CORIN: variants seen among roughly 807,000 people sequenced by gnomAD.
The protein encoded by CORIN is corin, serine peptidase.
A neutral mutation model predicts 125.3 loss-of-function variants in CORIN; 117 were observed. The observed-to-expected ratio is 0.93, with a 90% CI of 0.80 to 1.09. The LOEUF (loss-of-function observed/expected upper bound fraction) is 1.09, where lower values mean the gene tolerates loss of function less well. Ranked by LOEUF, CORIN falls within the 50% of genes least tolerant of loss-of-function variation. The pLI is 0.00. For synonymous variants in CORIN, 450 were observed against 466.4 expected, an observed-to-expected ratio of 0.96 and a Z score of 0.45; for missense variants, 1,253 against 1,306.7, an observed-to-expected ratio of 0.96 and a Z score of 0.63.
intron 5 of CORIN, among the ~76,000 whole-genome samples, chr4:47,734,876 C>T (rs908704192): frequency 6.6e-6 from 1 of 152,206 alleles, no homozygotes. Context: ...TGTCTACAGA[C>T]ATTGCCAAAT....
intron 5 of CORIN, among the ~76,000 whole-genome samples, chr4:47,698,571 C>T (rs138639873): frequency 4.7e-4 from 71 of 152,108 alleles, no homozygotes; most frequent in African/African-American, 1.6e-3. Context: ...ACACAAGAGT[C>T]ATTACATGGT....
At position 47,629,313 on chromosome 4, in the gene CORIN, T is replaced by C. The variant is rs142022307; in HGVS notation, c.2199-2792A>G. ...ATTAGTAATGCTGAGCACCTTTTCT[T>C]ATATTTGTTGGCCATTCTATGTCTT... On this transcript the variant is annotated intron_variant, in intron 16 of 21. Transcript: ENST00000273857. Among the ~76,000 whole-genome samples the C allele has an allele frequency of 3.9e-5, 6 of 152,322 alleles. 1 individual carries two copies. Among genetic ancestry groups the C allele is most frequent in the African/African-American group, 1.4e-4 (6 of 41,584 alleles).
At chr4:47,756,091 T>C (rs990318624) in intron 4 of CORIN, among the ~76,000 whole-genome samples, 2 of 152,178 alleles carry the variant, frequency 1.3e-5, no homozygotes, top group African/African-American at 4.8e-5. Context: ...GTTATAACTG[T>C]GCCATGGTGA....
intron 3 of CORIN, among the ~76,000 whole-genome samples, chr4:47,769,787 T>C (rs150761048): frequency 2.8e-3 from 422 of 152,202 alleles, no homozygotes; most frequent in Non-Finnish European, 4.6e-3. Flanking sequence ...CTTCAATAAA[T>C]AGTGTTGAAA....
At chr4:47,790,054 T>C (rs1405776375) in intron 2 of CORIN, among the ~76,000 whole-genome samples, 1 of 152,188 alleles carries the variant, frequency 6.6e-6, no homozygotes, top group Non-Finnish European at 1.5e-5. Context: ...TAAGAGATAT[T>C]AGCCCAAAGT....
At chr4:47,809,811 C>A (rs187727866) in intron 1 of CORIN, among the ~76,000 whole-genome samples, 20 of 152,340 alleles carry the variant, frequency 1.3e-4, no homozygotes, top group Non-Finnish European at 2.1e-4. Flanking sequence ...TTTCCTCTTG[C>A]ACTCATGGCC....
chr4:47,791,664 T>C (rs551892710), intron 2 of CORIN, among the ~76,000 whole-genome samples: 1 of 152,300 alleles, frequency 6.6e-6, no homozygotes, highest in Non-Finnish European at 1.5e-5. Flanking sequence ...CAAATAGACA[T>C]ATACATATAC....
intron 16 of CORIN, among the ~76,000 whole-genome samples, chr4:47,633,839 C>T (rs1722926638): frequency 6.6e-6 from 1 of 152,136 alleles, no homozygotes; most frequent in Non-Finnish European, 1.5e-5. Context: ...ATTTTTCTAA[C>T]ACAAGTCTTG....
chr4:47,836,600 G>A (rs753238041), intron 1 of CORIN, among the ~76,000 whole-genome samples: 2 of 152,178 alleles, frequency 1.3e-5, no homozygotes, highest in Non-Finnish European at 2.9e-5. Context: ...TCTTCGCAGC[G>A]CATCGTTCTC....
intron 19 of CORIN, among the ~76,000 whole-genome samples, chr4:47,619,841 T>C (rs1722226938): frequency 6.6e-6 from 1 of 152,210 alleles, no homozygotes; most frequent in Non-Finnish European, 1.5e-5. Flanking sequence ...GTACTCTTGC[T>C]AGTGTAACCT....
intron 12 of CORIN, among the ~76,000 whole-genome samples, chr4:47,654,661 C>G (rs1000110333): frequency 2.0e-5 from 3 of 152,190 alleles, no homozygotes; most frequent in African/African-American, 7.2e-5. Flanking sequence ...TCCCAGTGGT[C>G]AGAATTTAAG....
At chr4:47,807,685 A>AGAGGATG (rs1731854110) in intron 1 of CORIN, among the ~76,000 whole-genome samples, 1 of 152,196 alleles carries the variant, frequency 6.6e-6, no homozygotes, top group Admixed American at 6.5e-5. Flanking sequence ...ATCCTGTGTG[A>AGAGGATG]GAGGATGTCA....
intron 1 of CORIN, among the ~76,000 whole-genome samples, chr4:47,809,563 C>T (rs181312656): frequency 8.7e-4 from 133 of 152,070 alleles, no homozygotes; most frequent in African/African-American, 3.0e-3. Flanking sequence ...CACCACCACT[C>T]CCGGCTAATT....
intron 16 of CORIN, among the ~76,000 whole-genome samples, chr4:47,630,582 G>T (rs1385727482): frequency 2.0e-5 from 3 of 152,158 alleles, no homozygotes. Flanking sequence ...TTTTAGCAAT[G>T]ATCTAATCCA....
At chr4:47,619,894 C>A (rs1722236467) in intron 19 of CORIN, among the ~76,000 whole-genome samples, 1 of 152,202 alleles carries the variant, frequency 6.6e-6, no homozygotes, top group South Asian at 2.1e-4. Flanking sequence ...CAAAAGACAT[C>A]TGGAAACATC....
chr4:47,785,455 C>A (rs1437043923), intron 3 of CORIN, among the ~76,000 whole-genome samples: 3 of 152,234 alleles, frequency 2.0e-5, no homozygotes, highest in Admixed American at 2.0e-4. Context: ...GAATAACTAA[C>A]AAATCCTTCC....
intron 2 of CORIN, among the ~76,000 whole-genome samples, chr4:47,802,878 G>A (rs1054373183): frequency 6.6e-6 from 1 of 152,196 alleles, no homozygotes; most frequent in Non-Finnish European, 1.5e-5. Flanking sequence ...GGGATGTTGT[G>A]TTCCTGCCCC....
intron 9 of CORIN, among the ~76,000 whole-genome samples, chr4:47,677,034 C>T (rs562892570): frequency 1.3e-5 from 2 of 152,254 alleles, no homozygotes; most frequent in African/African-American, 4.8e-5. Context: ...TGCATTACGA[C>T]AAACCTAATT....
chr4:47,775,156 A>C (rs1016443058), intron 3 of CORIN, among the ~76,000 whole-genome samples: 3 of 152,198 alleles, frequency 2.0e-5, no homozygotes, highest in African/African-American at 7.2e-5. Flanking sequence ...CCCTGGAGGG[A>C]CTGAGATGAC....
Sources: allele counts gnomAD v4.1 joint callset (sites outside exome capture counted in the v4.1 genomes callset), GRCh38; gene constraint gnomAD v4.1.1; transcripts MANE v1.5; gene names NCBI Gene and HGNC (gene_info 2026-07-23, HGNC 2026-07-21).